The following ERC1 variants were observed in gnomAD, a reference collection of about 807,000 sequenced individuals.
The protein encoded by ERC1 is RAB6 interacting protein 2.
Under a neutral mutation model 132.0 loss-of-function variants are expected in ERC1, and 56 were observed. The ratio of observed to expected loss-of-function variants is 0.42; its 90% CI spans 0.34 to 0.53. ERC1 has a LOEUF of 0.53. ERC1 is among the 20% of genes least tolerant of loss of function. ERC1 has a pLI of 0.03. For synonymous variants in ERC1, 478 were observed against 476.1 expected, an observed-to-expected ratio of 1.00 and a Z score of -0.05; for missense variants, 1,202 against 1,349.9, an observed-to-expected ratio of 0.89 and a Z score of 1.72.
chr12:1,230,604 T>G (rs1331870373), intron 12 of ERC1, among the ~76,000 whole-genome samples: 1 of 152,198 alleles, frequency 6.6e-6, no homozygotes, highest in Non-Finnish European at 1.5e-5. Flanking sequence ...ATACTCTTAT[T>G]CAGGTCTAAT....
At chr12:1,429,985 C>T (rs939879573) in intron 17 of ERC1, among the ~76,000 whole-genome samples, 2 of 152,192 alleles carry the variant, frequency 1.3e-5, no homozygotes, top group African/African-American at 4.8e-5. Context: ...AATTCAGCAG[C>T]GTCTTAGCTG....
intron 2 of ERC1, among the ~76,000 whole-genome samples, chr12:1,082,541 G>A (rs1942382118): frequency 6.9e-6 from 1 of 145,522 alleles, no homozygotes; most frequent in Admixed American, 7.0e-5. Flanking sequence ...CCAGGCTGGA[G>A]TGCAATGAGT....
At chr12:1,466,768 G>T (rs909089199) in intron 18 of ERC1, among the ~76,000 whole-genome samples, 1 of 152,180 alleles carries the variant, frequency 6.6e-6, no homozygotes, top group African/African-American at 2.4e-5. Context: ...CTTTCTAAAA[G>T]AGTTGTGTAA....
chr12:1,314,933 A>G (rs73034905), intron 15 of ERC1, among the ~76,000 whole-genome samples: 5,266 of 152,294 alleles, frequency 0.035, 96 homozygotes, highest in Middle Eastern at 0.075. Context: ...GTAGTTTTCT[A>G]ACTATGTCAA....
intron 18 of ERC1, among the ~76,000 whole-genome samples, chr12:1,447,443 G>C (rs757690131): frequency 6.6e-6 from 1 of 151,310 alleles, no homozygotes; most frequent in South Asian, 2.1e-4. Context: ...TTGATCCCGG[G>C]CAGTCGTGGC....
chr12:1,000,135 G>A (rs963487326), intron 1 of ERC1, among the ~76,000 whole-genome samples: 1 of 152,048 alleles, frequency 6.6e-6, no homozygotes, highest in African/African-American at 2.4e-5. Flanking sequence ...GTATATATTA[G>A]TTTCATTTTT....
intron 14 of ERC1, among the ~76,000 whole-genome samples, chr12:1,278,041 C>CA (rs1465922109): frequency 2.6e-5 from 4 of 152,170 alleles, no homozygotes; most frequent in Non-Finnish European, 5.9e-5. Context: ...TGAAATCAGT[C>CA]ACTTGACAGA....
At chr12:1,341,099 T>C (rs1472519557) in intron 15 of ERC1, among the ~76,000 whole-genome samples, 1 of 51,556 alleles carries the variant, frequency 1.9e-5, no homozygotes, top group South Asian at 7.4e-4. Flanking sequence ...TTTTTTTTTT[T>C]TTTTTTTTTT....
intron 18 of ERC1, among the ~76,000 whole-genome samples, chr12:1,481,617 GA>G (rs1478125047): frequency 2.0e-5 from 3 of 152,320 alleles, no homozygotes; most frequent in Middle Eastern, 6.8e-3. Flanking sequence ...GGAGAACAGA[GA>G]AAGGCCTCCC....
intron 8 of ERC1, among the ~76,000 whole-genome samples, chr12:1,178,967 A>G: frequency 6.6e-6 from 1 of 152,206 alleles, no homozygotes; most frequent in East Asian, 1.9e-4. Context: ...ATAGTGAATG[A>G]ATAAACTTTG....
At chr12:1,093,981 A>ATATATATATATATAT (rs1555236298) in intron 3 of ERC1, among the ~76,000 whole-genome samples, 1 of 132,006 alleles carries the variant, frequency 7.6e-6, no homozygotes, top group African/African-American at 2.7e-5. Context: ...ATATATATAT[A>ATATATATATATATAT]TATAGAAAAA....
At chr12:1,365,787 TAGC>T (rs1227826288) in intron 15 of ERC1, among the ~76,000 whole-genome samples, 2 of 152,146 alleles carry the variant, frequency 1.3e-5, no homozygotes, top group African/African-American at 2.4e-5. Flanking sequence ...AATGTAAAAA[TAGC>T]AGCATAATAC....
chr12:1,009,780 T>C (rs1964379877), intron 1 of ERC1, among the ~76,000 whole-genome samples: 1 of 152,178 alleles, frequency 6.6e-6, no homozygotes, highest in African/African-American at 2.4e-5. Context: ...TCTTAAAATA[T>C]TAATATTGAT....
rs143933552 is a variant in ERC1, at chr12:1,193,483, C to T, written c.2351+3431C>T. On this transcript the variant is annotated intron_variant, in intron 12 of 18. Coordinates refer to ENST00000360905, the MANE Select transcript of ERC1 (RefSeq NM_178040.4). The stretch of plus-strand genomic sequence containing the variant: ...AGAGATAGATAAATACATATATACA[C>T]ACATATATAAACACACACAAGCATA... Among the ~76,000 whole-genome samples the T allele has an allele frequency of 2.5e-4, 38 of 151,960 alleles. 1 individual carries two copies. The East Asian group carries it at 7.3e-3, about 29-fold the overall frequency.
chr12:1,377,165 A>G (rs1037591438), intron 16 of ERC1, among the ~76,000 whole-genome samples: 12 of 152,212 alleles, frequency 7.9e-5, no homozygotes, highest in African/African-American at 2.2e-4. Flanking sequence ...GTGTGGTATG[A>G]AAAAATACCT....
intron 8 of ERC1, among the ~76,000 whole-genome samples, chr12:1,161,873 A>G (rs1951913320): frequency 6.6e-6 from 1 of 152,232 alleles, no homozygotes; most frequent in Admixed American, 6.5e-5. Context: ...CATGAATATT[A>G]TAACTGTATA....
rs895243385 is a variant in ERC1 at position 1,479,946 on chromosome 12, C to A, written c.3214-10147C>A. 6.8e-4 allele frequency among the ~76,000 whole-genome samples: 103 copies of A among 152,192 alleles called. 1 individual carries two copies. Among genetic ancestry groups the A allele is most frequent in the Non-Finnish European group, 1.1e-3 (78 of 68,034 alleles). ...GCCCTCACGCCTGTCCTCATCCACA[C>A]CTCTAAGCCCCTGGAATACAGCACA... On this transcript the variant is annotated intron_variant, in intron 18 of 18. Transcript: ENST00000360905.
At chr12:1,279,518 CA>C (rs2078516277) in intron 14 of ERC1, among the ~76,000 whole-genome samples, 1 of 152,002 alleles carries the variant, frequency 6.6e-6, no homozygotes, top group Non-Finnish European at 1.5e-5. Flanking sequence ...TTTTATTCAG[CA>C]AAAGGACTGT....
At chr12:1,172,847 C>T (rs1953229586) in intron 8 of ERC1, among the ~76,000 whole-genome samples, 1 of 152,206 alleles carries the variant, frequency 6.6e-6, no homozygotes, top group African/African-American at 2.4e-5. Context: ...GTCCGTCTGT[C>T]TGTAAATAAA....
Sources: gnomAD v4.1 joint callset for allele counts (sites outside exome capture counted in the v4.1 genomes callset) on GRCh38, gnomAD v4.1.1 for gene constraint, MANE v1.5 for transcripts, NCBI Gene and HGNC (gene_info 2026-07-23, HGNC 2026-07-21) for gene names.